Variants in CA13 observed in about 807,000 individuals in gnomAD.
The protein encoded by CA13 is carbonic anhydrase 13, also known as CA-XIII.
A neutral mutation model predicts 31.5 loss-of-function variants in CA13; 21 were observed. The ratio of observed to expected loss-of-function variants is 0.67; its 90% confidence interval spans 0.47 to 0.96. CA13 has a LOEUF of 0.96. Among genes scored for constraint, CA13 ranks in the 40% least tolerant of loss-of-function variants. CA13 has a pLI of 0.00. For synonymous variants in CA13, 117 were observed against 111.4 expected (o/e 1.05, Z -0.32); for missense variants, 315 against 318.9 (o/e 0.99, Z 0.09).
intron 3 of CA13, among the ~76,000 whole-genome samples, chr8:85,263,242 G>T (rs1432336192): frequency 6.6e-6 from 1 of 152,178 alleles, no homozygotes; most frequent in Non-Finnish European, 1.5e-5. Context: ...TCCTGATGAG[G>T]CAGGCAGGGA....
rs1192799442 is a variant in CA13, at chr8:85,282,688, A to C, written c.*1339A>C. 6.6e-6 allele frequency: 1 copy of C among 152,160 alleles called. No individual in the cohort carries two copies. The highest frequency in any genetic ancestry group is 1.9e-4 in the East Asian group (1 of 5,206). 9.4% of individuals were successfully genotyped at this position (152,160 alleles called of 1,614,324 possible). ...TCTTAATTTTGTCAGGTGGAGCTTG[A>C]TCTTAATTTTAACCTATTATCTTTT... On this transcript the variant is annotated 3_prime_UTR_variant, in exon 7 of 7. Transcript: ENST00000321764.
intron 3 of CA13, among the ~76,000 whole-genome samples, chr8:85,266,223 C>T (rs1328650362): frequency 6.6e-6 from 1 of 152,212 alleles, no homozygotes; most frequent in East Asian, 1.9e-4. Flanking sequence ...TGAAGTGTCG[C>T]TCTGTTGCTC....
intron 2 of CA13, among the ~76,000 whole-genome samples, chr8:85,252,432 A>G (rs1303797219): frequency 1.1e-5 from 1 of 92,628 alleles, no homozygotes; most frequent in Non-Finnish European, 2.5e-5. Context: ...CCCTATTAGT[A>G]CTTTTTTCTA....
intron 3 of CA13, among the ~76,000 whole-genome samples, chr8:85,262,815 G>A (rs1807403216): frequency 6.6e-6 from 1 of 152,102 alleles, no homozygotes; most frequent in African/African-American, 2.4e-5. Flanking sequence ...CAGCTTTAGT[G>A]GCATTTGTCG....
At chr8:85,252,614 A>C (rs1418290390) in intron 2 of CA13, among the ~76,000 whole-genome samples, 4 of 152,240 alleles carry the variant, frequency 2.6e-5, no homozygotes, top group Non-Finnish European at 5.9e-5. Context: ...CCAAGCAGAG[A>C]TTCTGCCCAA....
chr8:85,280,549 C>T (rs908492146), intron 6 of CA13, among the ~76,000 whole-genome samples: 2 of 152,068 alleles, frequency 1.3e-5, no homozygotes, highest in African/African-American at 4.8e-5. Context: ...GGTTCTCATT[C>T]CTAATAATTT....
intron 6 of CA13, among the ~76,000 whole-genome samples, chr8:85,277,085 A>T (rs1376558492): frequency 6.6e-6 from 1 of 152,186 alleles, no homozygotes; most frequent in Non-Finnish European, 1.5e-5. Context: ...ACCAATCAGC[A>T]GGATGTGGGT....
At chr8:85,269,574 C>T (rs1807500300) in intron 6 of CA13, among the ~76,000 whole-genome samples, 1 of 152,134 alleles carries the variant, frequency 6.6e-6, no homozygotes, top group Admixed American at 6.6e-5. Flanking sequence ...CATTTGTTGA[C>T]AAAAACTTTT....
chr8:85,279,501 A>C (rs1166145403), intron 6 of CA13, among the ~76,000 whole-genome samples: 3 of 152,226 alleles, frequency 2.0e-5, no homozygotes, highest in Non-Finnish European at 4.4e-5. Flanking sequence ...TCTTACCAAA[A>C]TACACAGGCT....
At chr8:85,274,306 T>C (rs1415610668) in intron 6 of CA13, among the ~76,000 whole-genome samples, 1 of 152,214 alleles carries the variant, frequency 6.6e-6, no homozygotes, top group African/African-American at 2.4e-5. Context: ...TTTGTATCCA[T>C]CATGTCGCTG....
chr8:85,276,410 G>A (rs957890866), intron 6 of CA13, among the ~76,000 whole-genome samples: 1 of 152,228 alleles, frequency 6.6e-6, no homozygotes, highest in Non-Finnish European at 1.5e-5. Flanking sequence ...CGAGGAGTGC[G>A]GGCGCATGGC....
intron 1 of CA13, among the ~76,000 whole-genome samples, chr8:85,247,235 T>C (rs1480141562): frequency 6.6e-6 from 1 of 152,156 alleles, no homozygotes; most frequent in East Asian, 1.9e-4. Flanking sequence ...TTAATAGTCA[T>C]TGAATCCCAA....
rs781105114 is a variant in CA13, at chr8:85,266,718, T to C, written c.450+15T>C. ...TGTTTTTACAGGTGAGAATCTACTG[T>C]TTTCATTTTAAATGATCAGCCTTGT... On this transcript the variant is annotated intron_variant, in intron 4 of 6. Coordinates refer to ENST00000321764, the MANE Select transcript of CA13 (RefSeq NM_198584.3). The C allele has an allele frequency of 4.4e-6, 7 of 1,593,246 alleles. No individual in the cohort carries two copies. Among genetic ancestry groups the C allele is most frequent in the Non-Finnish European group, 5.2e-6 (6 of 1,162,072 alleles).
At chr8:85,276,237 C>G (rs1255243241) in intron 6 of CA13, among the ~76,000 whole-genome samples, 1 of 152,196 alleles carries the variant, frequency 6.6e-6, no homozygotes. Flanking sequence ...ATTTCTCGCC[C>G]GGCCTTAGCT....
chr8:85,273,033 G>T (rs1470004889), intron 6 of CA13, among the ~76,000 whole-genome samples: 1 of 152,152 alleles, frequency 6.6e-6, no homozygotes, highest in Non-Finnish European at 1.5e-5. Context: ...AGCCAGGCTG[G>T]TCTCAAACTC....
chr8:85,256,801 G>A (rs192483517), intron 2 of CA13, among the ~76,000 whole-genome samples: 84 of 152,294 alleles, frequency 5.5e-4, no homozygotes, highest in Middle Eastern at 3.4e-3. Flanking sequence ...CTAGCCCATC[G>A]TAAGCTCTTA....
At chr8:85,255,567 A>G (rs556171224) in intron 2 of CA13, among the ~76,000 whole-genome samples, 1 of 151,840 alleles carries the variant, frequency 6.6e-6, no homozygotes, top group South Asian at 2.1e-4. Context: ...TAGTAGAGAC[A>G]GGGTTTCGCC....
At chr8:85,269,008 A>G (rs1807493303) in intron 6 of CA13, among the ~76,000 whole-genome samples, 1 of 152,226 alleles carries the variant, frequency 6.6e-6, no homozygotes, top group Admixed American at 6.5e-5. Flanking sequence ...GGCTACTTAT[A>G]GAAGGTGACA....
chr8:85,263,132 A>C (rs1381937826), intron 3 of CA13, among the ~76,000 whole-genome samples: 3 of 152,166 alleles, frequency 2.0e-5, no homozygotes, highest in African/African-American at 7.2e-5. Context: ...CAGCAAGCTC[A>C]AGTTCTCTAA....
Sources: gnomAD v4.1 joint callset for allele counts (sites outside exome capture counted in the v4.1 genomes callset) on GRCh38, gnomAD v4.1.1 for gene constraint, MANE v1.5 for transcripts, NCBI Gene and HGNC (gene_info 2026-07-23, HGNC 2026-07-21) for gene names.